LYRM4: variants seen among roughly 807,000 people sequenced by gnomAD.
LYRM4 encodes the protein LYR motif-containing protein 4.
LYRM4 carries 9 observed loss-of-function variants against 11.7 expected under a neutral mutation model. The observed-to-expected ratio is 0.77, with a 90% confidence interval of 0.46 to 1.34. The LOEUF is 1.34. LYRM4 is among the 40% of genes most tolerant of loss of function. The pLI, the probability that LYRM4 is intolerant of heterozygous loss-of-function variation, is 0.00. For missense variants in LYRM4, 133 were observed against 112.5 expected, an observed-to-expected ratio of 1.18 and a Z score of -0.82; for synonymous variants, 42 against 40.4, an observed-to-expected ratio of 1.04 and a Z score of -0.15.
chr6:5,092,551 A>G, the LYRM4 span, among the ~76,000 whole-genome samples: 1 of 70,970 alleles, frequency 1.4e-5, no homozygotes, highest in Non-Finnish European at 2.7e-5. Context: ...CTCTACTAAA[A>G]ATATGAAAAA....
chr6:5,081,332 A>G, the LYRM4 span, among the ~76,000 whole-genome samples: 11 of 152,110 alleles, frequency 7.2e-5, no homozygotes, highest in African/African-American at 2.7e-4. Flanking sequence ...AGAGTGGAGG[A>G]GTGGTGTGGG....
intron 1 of LYRM4, among the ~76,000 whole-genome samples, chr6:5,235,886 C>T (rs149854363): frequency 3.9e-5 from 6 of 152,264 alleles, no homozygotes; most frequent in African/African-American, 1.4e-4. Context: ...ATAAAATATT[C>T]TCACTGGTTT....
intron 2 of LYRM4, among the ~76,000 whole-genome samples, chr6:5,177,507 G>C (rs1483419143): frequency 6.6e-6 from 1 of 152,190 alleles, no homozygotes; most frequent in African/African-American, 2.4e-5. Flanking sequence ...TGATCATTCA[G>C]GTGACCATTG....
chr6:5,160,707 G>C (rs376316665), intron 2 of LYRM4, among the ~76,000 whole-genome samples: 5 of 151,688 alleles, frequency 3.3e-5, no homozygotes, highest in African/African-American at 9.7e-5. Flanking sequence ...TTTCTTAGAA[G>C]TTACTCAGTC....
chr6:5,115,188 A>G (rs1018968741), intron 2 of LYRM4, among the ~76,000 whole-genome samples: 2 of 152,204 alleles, frequency 1.3e-5, no homozygotes, highest in African/African-American at 4.8e-5. Context: ...CTTTTATTAA[A>G]TCTGATTTTT....
downstream of LYRM4, among the ~76,000 whole-genome samples, chr6:5,102,081 T>C (rs990128978): frequency 2.7e-5 from 4 of 150,614 alleles, no homozygotes; most frequent in Non-Finnish European, 5.9e-5. Context: ...GTGTGAGCCA[T>C]TGCACCTGGC....
intron 2 of LYRM4, among the ~76,000 whole-genome samples, chr6:5,195,016 A>G (rs1183176125): frequency 6.6e-6 from 1 of 152,252 alleles, no homozygotes; most frequent in East Asian, 1.9e-4. Flanking sequence ...ACTGTTACAC[A>G]TAAAGGCTTG....
At chr6:5,194,405 T>G (rs1449946931) in intron 2 of LYRM4, among the ~76,000 whole-genome samples, 1 of 152,108 alleles carries the variant, frequency 6.6e-6, no homozygotes, top group East Asian at 1.9e-4. Context: ...GGTGTGCGGC[T>G]GGTAATGAGC....
At chr6:5,245,115 TATATATATATATATATATA>T (rs1764118097) in intron 1 of LYRM4, among the ~76,000 whole-genome samples, 1 of 14,270 alleles carries the variant, frequency 7.0e-5, no homozygotes, top group African/African-American at 3.2e-4. Context: ...AAAAAAAAAA[TATATATATATATATATATA>T]TATATATATA....
intron 1 of LYRM4, among the ~76,000 whole-genome samples, chr6:5,239,544 C>T (rs931659558): frequency 5.3e-5 from 8 of 151,826 alleles, no homozygotes; most frequent in Admixed American, 1.3e-4. Flanking sequence ...CAATGTCAAG[C>T]GGAGCCAAGA....
At chr6:5,243,826 G>A (rs1468899977) in intron 1 of LYRM4, among the ~76,000 whole-genome samples, 1 of 152,142 alleles carries the variant, frequency 6.6e-6, no homozygotes, top group Non-Finnish European at 1.5e-5. Context: ...ACAGATGGTG[G>A]CATCTTAATA....
intron 2 of LYRM4, among the ~76,000 whole-genome samples, chr6:5,184,635 C>G (rs1047449674): frequency 6.6e-6 from 1 of 152,180 alleles, no homozygotes; most frequent in African/African-American, 2.4e-5. Flanking sequence ...ATGTAAGCAG[C>G]TCATGAGTTC....
chr6:5,245,825 T>C (rs140021842), intron 1 of LYRM4, among the ~76,000 whole-genome samples: 1 of 152,172 alleles, frequency 6.6e-6, no homozygotes, highest in African/African-American at 2.4e-5. Flanking sequence ...GTGCAGAAGA[T>C]CTTAAGACAG....
intron 1 of LYRM4, among the ~76,000 whole-genome samples, chr6:5,223,416 G>T (rs560505999): frequency 6.6e-6 from 1 of 152,126 alleles, no homozygotes; most frequent in South Asian, 2.1e-4. Flanking sequence ...CGCATGTCTC[G>T]TAAGTGGCAG....
intron 2 of LYRM4, among the ~76,000 whole-genome samples, chr6:5,158,346 T>G (rs549700085): frequency 1.6e-4 from 24 of 152,294 alleles, no homozygotes; most frequent in Middle Eastern, 3.4e-3. Flanking sequence ...TTACACTGAA[T>G]GCACTGTCAC....
intron 2 of LYRM4, among the ~76,000 whole-genome samples, chr6:5,172,068 C>A (rs952700071): frequency 6.6e-6 from 1 of 152,060 alleles, no homozygotes; most frequent in Admixed American, 6.5e-5. Flanking sequence ...CTCCTGGCTA[C>A]AGAATGCAAA....
chr6:5,068,082 G>A, the LYRM4 span, among the ~76,000 whole-genome samples: 412 of 152,240 alleles, frequency 2.7e-3, 1 homozygote, highest in Non-Finnish European at 4.7e-3. The surrounding 1 kb of genome is among the most constrained non-coding windows in gnomAD (Gnocchi z 4.0). Flanking sequence ...CTTTAAAAAG[G>A]CAACCTTCTT....
At chr6:5,118,095 T>TATATATATATATATATATA (rs34304149) in intron 2 of LYRM4, among the ~76,000 whole-genome samples, 2 of 96,884 alleles carry the variant, frequency 2.1e-5, no homozygotes, top group African/African-American at 4.0e-5. Context: ...TATATATATA[T>TATATATATATATATATATA]TTTTGTTTTG....
chr6:5,215,350 A>G (rs1762216326), intron 2 of LYRM4, among the ~76,000 whole-genome samples: 1 of 152,190 alleles, frequency 6.6e-6, no homozygotes, highest in East Asian at 1.9e-4. Flanking sequence ...CCATTGTTCT[A>G]GAGTTTTCAA....
Sources: allele counts gnomAD v4.1 joint callset (sites outside exome capture counted in the v4.1 genomes callset), GRCh38; gene constraint gnomAD v4.1.1; non-coding constraint Gnocchi (gnomAD v3.1); transcripts MANE v1.5; gene names NCBI Gene and HGNC (gene_info 2026-07-23, HGNC 2026-07-21).